HYDIN: variants seen among roughly 807,000 people sequenced by gnomAD.
The protein encoded by HYDIN is HYDIN axonemal central pair apparatus protein, also known as axonemal central pair apparatus protein HYDIN.
In HYDIN, 132 loss-of-function variants were observed where a neutral mutation model predicts 403.9. The ratio of observed to expected loss-of-function variants is 0.33; its 90% CI spans 0.28 to 0.38. The LOEUF (loss-of-function observed/expected upper bound fraction) is 0.38, where lower values mean the gene tolerates loss of function less well. Among genes scored for constraint, HYDIN ranks in the 10% least tolerant of loss-of-function variants. The pLI, the probability that HYDIN is intolerant of heterozygous loss-of-function variation, is 1.00. For synonymous variants in HYDIN, 1,202 were observed against 1,891.7 expected (o/e 0.64, Z 9.46); for missense variants, 2,827 against 5,009.5 (o/e 0.56, Z 13.15).
chr16:70,857,027 T>C (rs1192629366), intron 72 of HYDIN, among the ~76,000 whole-genome samples: 1 of 148,000 alleles, frequency 6.8e-6, no homozygotes, highest in Non-Finnish European at 1.5e-5. Context: ...GAAAGATACA[T>C]GGGGTTATAA....
intron 47 of HYDIN, among the ~76,000 whole-genome samples, chr16:70,911,334 A>C (rs1436713866): frequency 6.6e-6 from 1 of 151,250 alleles, no homozygotes; most frequent in Non-Finnish European, 1.5e-5. Flanking sequence ...ACATGTGGCT[A>C]GCCAATTATC....
Position 71,044,009 on chromosome 16 carries a change from A to C in HYDIN, c.2530-12092T>G, listed in dbSNP as rs12051321. Among the ~76,000 whole-genome samples the C allele has an allele frequency of 7.8e-3, 1,184 of 152,096 alleles. 12 individuals are homozygous for C. The highest frequency in any genetic ancestry group is 0.02 in the African/African-American group (836 of 41,486). The stretch of plus-strand genomic sequence containing the variant: ...GAGAGAAAAAGAGAGAGAAAGAAAG[A>C]AAGCAAGCAAGCAAGGAAGCCTGCC... On this transcript the variant is annotated intron_variant, in intron 18 of 85. Transcript: ENST00000393567.
chr16:71,220,184 C>A (rs916788559), intron 1 of HYDIN, among the ~76,000 whole-genome samples: 4 of 152,184 alleles, frequency 2.6e-5, no homozygotes, highest in Non-Finnish European at 5.9e-5. Context: ...TCAATACTAA[C>A]AGGCTATGAG....
At chr16:70,833,829 AG>A (rs2037178795) in intron 79 of HYDIN, 57 bp downstream of exon 79, 1 of 1,186,784 alleles carries the variant, frequency 8.4e-7, no homozygotes, top group Non-Finnish European at 1.2e-6. Context: ...AGTCCAGGGC[AG>A]ATACAGGGAC....
At chr16:71,159,943 G>A (rs2085932454) in intron 6 of HYDIN, among the ~76,000 whole-genome samples, 1 of 126,950 alleles carries the variant, frequency 7.9e-6, no homozygotes, top group Non-Finnish European at 1.6e-5. Context: ...AGGAGAAATA[G>A]GATATCAGAC....
At chr16:70,809,751 G>A (rs766214135) in intron 85 of HYDIN, 32 bp downstream of exon 85, 3 of 1,530,740 alleles carry the variant, frequency 2.0e-6, no homozygotes, top group South Asian at 2.2e-5. Context: ...TCATGTGAGG[G>A]AAGGGCAGAA....
chr16:71,034,094 A>G (rs1045662007), intron 18 of HYDIN, among the ~76,000 whole-genome samples: 4 of 151,520 alleles, frequency 2.6e-5, no homozygotes, highest in Admixed American at 6.6e-5. Flanking sequence ...AAGCTCCCTG[A>G]GTTTGGTACC....
At chr16:71,064,646 CTCA>C in intron 16 of HYDIN, 56 bp downstream of exon 16, 1 of 1,485,244 alleles carries the variant, frequency 6.7e-7, no homozygotes, top group East Asian at 2.3e-5. Context: ...ATTTCTCTTT[CTCA>C]TCAAGGGAAC....
chr16:70,939,187 A>T (rs2077593232), intron 43 of HYDIN, among the ~76,000 whole-genome samples: 1 of 152,182 alleles, frequency 6.6e-6, no homozygotes, highest in South Asian at 2.1e-4. Flanking sequence ...AGGGGCCAGG[A>T]GCCAAGGAGT....
intron 6 of HYDIN, 196 bp from the exon 7 acceptor site, chr16:71,152,979 T>C (rs1269914588): frequency 4.0e-6 from 2 of 497,558 alleles, no homozygotes; most frequent in Non-Finnish European, 7.3e-6. Flanking sequence ...AGCATTAGAT[T>C]AGCAAGCGTA....
chr16:70,809,021 T>A (rs1435258176), intron 85 of HYDIN, among the ~76,000 whole-genome samples: 1 of 152,212 alleles, frequency 6.6e-6, no homozygotes, highest in Non-Finnish European at 1.5e-5. Context: ...CAGACTGTTA[T>A]TTGTGAGAGA....
At chr16:71,034,240 A>C (rs8046772) in intron 18 of HYDIN, among the ~76,000 whole-genome samples, 3,948 of 152,234 alleles carry the variant, frequency 0.026, 201 homozygotes, top group African/African-American at 0.091. Context: ...TCTATGATAT[A>C]CTTCTTCTAG....
intron 85 of HYDIN, among the ~76,000 whole-genome samples, chr16:70,809,467 G>A (rs971795056): frequency 2.0e-5 from 3 of 152,174 alleles, no homozygotes; most frequent in Non-Finnish European, 2.9e-5. Flanking sequence ...TTCCACAGCC[G>A]ATACCATGAC....
Position 71,208,575 on chromosome 16 carries a change from T to G in HYDIN, c.-23-21657A>C, listed in dbSNP as rs568196465. 4.0e-5 allele frequency among the ~76,000 whole-genome samples: 6 copies of G among 151,516 alleles called. No individual in the cohort carries two copies. In the East Asian group the frequency reaches 1.2e-3, roughly 29 times the overall value. ...AAAATCAGAGCTGAACTGAAGGAGA[T>G]AGAGATATTAAAAAAATACAAAATA... On this transcript the variant is annotated intron_variant, in intron 1 of 85. Transcript: ENST00000393567.
At chr16:71,116,344 A>G (rs866946088) in intron 9 of HYDIN, among the ~76,000 whole-genome samples, 19 of 151,254 alleles carry the variant, frequency 1.3e-4, no homozygotes, top group Middle Eastern at 3.4e-3. Context: ...AGATTCATCC[A>G]TGTTGTCACA....
intron 11 of HYDIN, among the ~76,000 whole-genome samples, chr16:71,091,937 G>GA (rs1328446016): frequency 3.3e-5 from 3 of 90,458 alleles, no homozygotes; most frequent in Non-Finnish European, 6.7e-5. Context: ...GAATGTGGGG[G>GA]ATGCAGGGTA....
At chr16:71,037,120 G>A (rs2081115064) in intron 18 of HYDIN, among the ~76,000 whole-genome samples, 1 of 151,368 alleles carries the variant, frequency 6.6e-6, no homozygotes, top group Non-Finnish European at 1.5e-5. Flanking sequence ...AACTATGTAT[G>A]CCTGGTCTCA....
chr16:70,995,597 T>C (rs1447547254), intron 23 of HYDIN, among the ~76,000 whole-genome samples: 1 of 152,118 alleles, frequency 6.6e-6, no homozygotes, highest in Non-Finnish European at 1.5e-5. Context: ...AGTGTGGCGC[T>C]AAAATAAAAC....
At chr16:71,089,751 C>T (rs1441324813) in intron 11 of HYDIN, among the ~76,000 whole-genome samples, 1 of 152,140 alleles carries the variant, frequency 6.6e-6, no homozygotes, top group Non-Finnish European at 1.5e-5. Context: ...TAGTGGCTGA[C>T]TATTTTAGAT....
Sources: allele counts gnomAD v4.1 joint callset (sites outside exome capture counted in the v4.1 genomes callset), GRCh38; gene constraint gnomAD v4.1.1; transcripts MANE v1.5; gene names NCBI Gene and HGNC (gene_info 2026-07-23, HGNC 2026-07-21).